WDR62: variants seen among roughly 807,000 people sequenced by gnomAD.
The protein encoded by WDR62 is WD repeat-containing protein 62.
In WDR62, 112 loss-of-function variants were observed where a neutral mutation model predicts 160.6. That is an observed-to-expected ratio of 0.70 (90% CI 0.60 to 0.82). The LOEUF is 0.82. Ranked by LOEUF, WDR62 falls within the 40% of genes least tolerant of loss-of-function variation. The pLI, the probability that WDR62 is intolerant of heterozygous loss-of-function variation, is 0.00. For synonymous variants in WDR62, 792 were observed against 815.1 expected (o/e 0.97, Z 0.48); for missense variants, 1,819 against 1,983.8 (o/e 0.92, Z 1.58).
intron 3 of WDR62, among the ~76,000 whole-genome samples, 179 bp from the exon 4 acceptor site, chr19:36,065,775 CTGTG>C (rs1970903401): frequency 1.3e-5 from 2 of 152,248 alleles, no homozygotes; most frequent in Admixed American, 6.5e-5. Context: ...CCCCATTTCT[CTGTG>C]TGCTTTGCTG....
In WDR62 at chr19:36,102,060, C is replaced by G. The variant is rs772411266; in HGVS notation, c.3129C>G (p.Pro1043=). ...ATGAGCTGTCCCTGCCCGAGGGACC[C>G]AGCGTCCCCAGCAGCTCCCTACCCC... ...TEDELSLPEG[P]SVPSSSLPQT... is the part of the protein sequence containing the mutation. Residue 1043 remains proline, a synonymous_variant, in exon 26 of 32, where the codon CCC becomes CCG. Transcript: ENST00000401500. 6.2e-7 allele frequency: 1 copy of G among 1,614,138 alleles called. No individual in the cohort carries two copies. Among genetic ancestry groups the G allele is most frequent in the Non-Finnish European group, 8.5e-7 (1 of 1,180,022 alleles).
Position 36,073,445 on chromosome 19 carries a change from A to T in WDR62, c.1147A>T (p.Ile383Phe). ...GTCCTGCGTGTATAAGGACCACAGC[A>T]TCTACATCTGGGATGTCAAGGACAT... ...WLSCVYKDHSIYIWDVKDINR... is the reference protein window; with the variant it reads ...WLSCVYKDHSFYIWDVKDINR... Residue 383 changes from isoleucine to phenylalanine, a missense_variant, in exon 9 of 32, where the codon ATC becomes TTC. Around this residue, in one of 3 missense-constraint regions of WDR62, gnomAD observed 934 missense variants for 1,157.2 expected, o/e 0.81. Coordinates refer to ENST00000401500, the MANE Select transcript of WDR62 (RefSeq NM_001083961.2). The T allele has an allele frequency of 1.9e-6, 3 of 1,614,090 alleles. No individual in the cohort carries two copies. Among genetic ancestry groups the T allele is most frequent in the South Asian group, 1.1e-5 (1 of 91,082 alleles).
At chr19:36,072,976 C>T (rs1599773110) in intron 8 of WDR62, among the ~76,000 whole-genome samples, 1 of 152,166 alleles carries the variant, frequency 6.6e-6, no homozygotes, top group Non-Finnish European at 1.5e-5. Context: ...GACACAGAGG[C>T]TTTTTGATCA....
intron 9 of WDR62, among the ~76,000 whole-genome samples, chr19:36,078,171 G>A (rs997113618): frequency 5.5e-5 from 8 of 145,594 alleles, no homozygotes; most frequent in South Asian, 2.2e-4. Context: ...TTTTTGAAAC[G>A]GAGTCTCACT....
rs750836415 is a variant in WDR62 at position 36,101,981 on chromosome 19, G to C, written c.3083-33G>C. 2.5e-6 allele frequency: 4 copies of C among 1,613,606 alleles called. No individual in the cohort carries two copies. In the African/African-American group the frequency reaches 5.3e-5, roughly 22 times the overall value. ...GCGTCTGCTGTGACTCATGGTGTTG[G>C]CTCCTCTTGTCCCTCCCCTCCTTCC... On this transcript the variant is annotated intron_variant, in intron 25 of 31. Transcript: ENST00000401500.
chr19:36,104,818 G>A lies in WDR62; in HGVS notation c.4362G>A (p.Glu1454=). 2 of 1,613,580 alleles carry A rather than the reference G, an allele frequency of 1.2e-6. No homozygotes were observed. Among genetic ancestry groups the A allele is most frequent in the Non-Finnish European group, 1.7e-6 (2 of 1,180,006 alleles). Residue 1454 remains glutamate, a synonymous_variant, in exon 32 of 32, where the codon GAG becomes GAA. Coordinates refer to ENST00000401500, the MANE Select transcript of WDR62 (RefSeq NM_001083961.2). The stretch of plus-strand genomic sequence containing the variant: ...CCGGGCAGCAGCAGGCACGGACTGA[G>A]CTGGTCTCCACCTTCCTGTGGATCC... ...VDTGQQQART[E]LVSTFLWIHS...
At position 36,066,188 on chromosome 19, in the gene WDR62, C is replaced by T. The variant is rs528504108; in HGVS notation, c.391-69C>T. On this transcript the variant is annotated intron_variant, in intron 4 of 31. Coordinates refer to ENST00000401500, the MANE Select transcript of WDR62 (RefSeq NM_001083961.2). ...GCACATCCTGTGGCAATGCCATCTT[C>T]GGCCTTGACAACCCTCTAGCCCTGC... is the stretch of plus-strand genomic sequence containing the variant. 2.9e-4 allele frequency: 472 copies of T among 1,607,060 alleles called. 1 individual carries two copies. The Middle Eastern group carries it at 5.8e-3, about 20-fold the overall frequency.
Position 36,103,903 on chromosome 19 carries a change from C to T in WDR62, c.4075C>T (p.His1359Tyr). ...PAPESPGLPA[H>Y]PSNPQLPEAR... ...TCCTGAGTCCCCTGGCCTTCCTGCC[C>T]ACCCCAGTAACCCCCAGCTTCCAGA... Residue 1359 changes from histidine (H) to tyrosine (Y), a missense_variant, in exon 30 of 32, where the codon CAC (histidine) becomes TAC (tyrosine). Physicochemically the swap from His to Tyr is moderately conservative, Grantham distance 83 (BLOSUM62 2). Around this residue, in one of 3 missense-constraint regions of WDR62, gnomAD observed 770 missense variants for 734.2 expected, o/e 1.05. Coordinates refer to ENST00000401500, the MANE Select transcript of WDR62 (RefSeq NM_001083961.2). 3 of 1,599,728 alleles carry T rather than the reference C, an allele frequency of 1.9e-6. No homozygotes were observed. The highest frequency in any genetic ancestry group is 2.5e-6 in the Non-Finnish European group (3 of 1,179,940).
intron 11 of WDR62, 33 bp from the exon 12 acceptor site, chr19:36,084,620 G>A (rs1161021321): frequency 1.9e-6 from 3 of 1,607,082 alleles, no homozygotes; most frequent in Non-Finnish European, 2.6e-6. Flanking sequence ...GGGCTGGGGT[G>A]TGGGGCTTCA....
intron 13 of WDR62, among the ~76,000 whole-genome samples, chr19:36,087,917 A>G (rs1972348302): frequency 6.6e-6 from 1 of 152,236 alleles, no homozygotes; most frequent in Admixed American, 6.5e-5. Context: ...TGTTGATAGC[A>G]GAGACTGTTC....
chr19:36,089,145 T>G, intron 14 of WDR62, 40 bp downstream of exon 14: 1 of 1,612,118 alleles, frequency 6.2e-7, no homozygotes, highest in Non-Finnish European at 8.5e-7. Flanking sequence ...GGGTGGGGGG[T>G]TGTCGGGGCA....
rs771686263 is a variant in WDR62, at chr19:36,091,193, C to G, written c.2035-7C>G. On this transcript the variant is annotated splice_region_variant and splice_polypyrimidine_tract_variant and intron_variant, in intron 16 of 31. Transcript: ENST00000401500. ...CTGGAGTGACATGTGGGTCCCTTTCCTGGCAGGTCCATGTGGACCCCTCAG... is the reference window on the plus strand; with the variant it reads ...CTGGAGTGACATGTGGGTCCCTTTCGTGGCAGGTCCATGTGGACCCCTCAG... 1.2e-6 allele frequency: 2 copies of G among 1,611,766 alleles called. No homozygotes were observed. Among genetic ancestry groups the G allele is most frequent in the East Asian group, 4.5e-5 (2 of 44,880 alleles).
At chr19:36,094,187 G>T (rs1972812907) in intron 20 of WDR62, 23 bp downstream of exon 20, 1 of 1,612,392 alleles carries the variant, frequency 6.2e-7, no homozygotes, top group Non-Finnish European at 8.5e-7. Context: ...GCCCTATTTT[G>T]AACTATGTCA....
intron 9 of WDR62, chr19:36,074,245 C>T (rs1971458226): frequency 6.1e-6 from 1 of 162,828 alleles, no homozygotes; most frequent in Admixed American, 5.7e-5. Flanking sequence ...CTGCAGTGAG[C>T]TGTGATTGTG....
At chr19:36,059,769 G>A (rs1405188547) in intron 2 of WDR62, among the ~76,000 whole-genome samples, 199 bp from the exon 3 acceptor site, 2 of 152,194 alleles carry the variant, frequency 1.3e-5, no homozygotes, top group African/African-American at 4.8e-5. Flanking sequence ...CAGAGGAAGT[G>A]TTGGTTTCTA....
At chr19:36,082,058 A>C (rs1971932658) in intron 10 of WDR62, 1 of 357,242 alleles carries the variant, frequency 2.8e-6, no homozygotes, top group Non-Finnish European at 5.5e-6. Flanking sequence ...GTCTCTGGGG[A>C]GCTGAGACCT....
Position 36,103,905 on chromosome 19 carries a change from C to G in WDR62, c.4077C>G (p.His1359Gln). ...CTGAGTCCCCTGGCCTTCCTGCCCACCCCAGTAACCCCCAGCTTCCAGAGG... is the reference window on the plus strand; with the variant it reads ...CTGAGTCCCCTGGCCTTCCTGCCCAGCCCAGTAACCCCCAGCTTCCAGAGG... ...PAPESPGLPAHPSNPQLPEAR... is the reference protein window; with the variant it reads ...PAPESPGLPAQPSNPQLPEAR... The change falls in exon 30 of 32, where the codon CAC (histidine) becomes CAG (glutamine). Residue 1359 changes from histidine to glutamine, a missense_variant. By Grantham distance (24) the His-to-Gln change is conservative. Transcript: ENST00000401500. The G allele has an allele frequency of 6.3e-7, 1 of 1,599,534 alleles. No individual in the cohort carries two copies. The highest frequency in any genetic ancestry group is 8.5e-7 in the Non-Finnish European group (1 of 1,179,950).
chr19:36,103,906 C>T lies in WDR62; in HGVS notation c.4078C>T (p.Pro1360Ser), dbSNP rs140097813. The part of the protein sequence containing the change: ...APESPGLPAH[P>S]SNPQLPEARP... ...TGAGTCCCCTGGCCTTCCTGCCCAC[C>T]CCAGTAACCCCCAGCTTCCAGAGGC... Residue 1360 changes from proline to serine, a missense_variant, in exon 30 of 32, where the codon CCC (proline) becomes TCC (serine). This residue lies in a region of WDR62 where 770 missense variants were observed against 734.2 expected (regional missense o/e 1.05). Transcript: ENST00000401500. 6.9e-6 allele frequency: 11 copies of T among 1,599,418 alleles called. No homozygotes were observed. In the African/African-American group the frequency reaches 1.5e-4, roughly 21 times the overall value.
rs764299399 is a variant in WDR62, at chr19:36,099,465, C to T, written c.2587C>T (p.Arg863Cys). The change falls in exon 22 of 32, where the codon CGC becomes TGC. Residue 863 changes from arginine (R) to cysteine (C), a missense_variant. By Grantham distance (180) the Arg-to-Cys change is radical. Coordinates refer to ENST00000401500, the MANE Select transcript of WDR62 (RefSeq NM_001083961.2). ...HAKRSYQPHGRWAERAGQEPL... is the reference protein window; with the variant it reads ...HAKRSYQPHGCWAERAGQEPL... ...CAAGCGCAGCTACCAGCCCCACGGC[C>T]GCTGGGCAGAGCGGGCCGGCCAAGA... 3.1e-6 allele frequency: 5 copies of T among 1,613,942 alleles called. No homozygotes were observed. The highest frequency in any genetic ancestry group is 1.1e-5 in the South Asian group (1 of 91,088).
Sources: gnomAD v4.1 joint callset for allele counts (sites outside exome capture counted in the v4.1 genomes callset) on GRCh38, gnomAD v4.1.1 for gene constraint, gnomAD v4.1.1 regional missense constraint, MANE v1.5 for transcripts, NCBI Gene and HGNC (gene_info 2026-07-23, HGNC 2026-07-21) for gene names.